The following NCAM2 variants were observed in gnomAD, a reference collection of about 807,000 sequenced individuals.
NCAM2 encodes the protein neural cell adhesion molecule 2.
Under a neutral mutation model 98.1 loss-of-function variants are expected in NCAM2, and 30 were observed. The observed-to-expected ratio is 0.31, with a 90% CI of 0.23 to 0.41. NCAM2 has a LOEUF of 0.41. Ranked by LOEUF, NCAM2 falls within the 10% of genes least tolerant of loss-of-function variation. The pLI, the probability that NCAM2 is intolerant of heterozygous loss-of-function variation, is 1.00. For missense variants in NCAM2, 867 were observed against 1,005.8 expected (o/e 0.86, Z 1.87); for synonymous variants, 368 against 342.4 (o/e 1.07, Z -0.83).
intron 5 of NCAM2, among the ~76,000 whole-genome samples, chr21:21,307,442 A>G (rs2073918213): frequency 6.6e-6 from 1 of 152,290 alleles, no homozygotes; most frequent in Non-Finnish European, 1.5e-5. Flanking sequence ...ACAAATTACA[A>G]CAAATTTTGT....
At chr21:21,276,619 A>G (rs889040519) in intron 1 of NCAM2, among the ~76,000 whole-genome samples, 2 of 152,042 alleles carry the variant, frequency 1.3e-5, no homozygotes, top group African/African-American at 4.8e-5. Flanking sequence ...CACTTACCTT[A>G]TATTGATTTG....
chr21:21,484,020 G>T (rs905161972), intron 15 of NCAM2, among the ~76,000 whole-genome samples: 1 of 151,952 alleles, frequency 6.6e-6, no homozygotes, highest in Non-Finnish European at 1.5e-5. Flanking sequence ...AACATTGTGG[G>T]ATATATTGAG....
intron 15 of NCAM2, among the ~76,000 whole-genome samples, chr21:21,497,632 A>G (rs1243226603): frequency 6.6e-6 from 1 of 152,206 alleles, no homozygotes; most frequent in Non-Finnish European, 1.5e-5. Context: ...ACGTGTAACA[A>G]CATTTTGACA....
At chr21:21,488,961 T>G (rs1986622551) in intron 15 of NCAM2, among the ~76,000 whole-genome samples, 1 of 151,884 alleles carries the variant, frequency 6.6e-6, no homozygotes, top group Admixed American at 6.6e-5. Context: ...TTTAATTATG[T>G]TTTCTTTTTC....
At chr21:21,349,697 G>C (rs1252539752) in intron 8 of NCAM2, among the ~76,000 whole-genome samples, 2 of 152,112 alleles carry the variant, frequency 1.3e-5, no homozygotes, top group Non-Finnish European at 2.9e-5. Flanking sequence ...ATCAACAGAT[G>C]AAATGGATAA....
At chr21:21,323,410 C>T (rs1029351666) in intron 5 of NCAM2, among the ~76,000 whole-genome samples, 22 of 152,112 alleles carry the variant, frequency 1.4e-4, no homozygotes, top group Admixed American at 7.9e-4. Flanking sequence ...GTGGCATCAA[C>T]GCTGACCTGA....
At chr21:21,484,192 T>A (rs1569109531) in intron 15 of NCAM2, among the ~76,000 whole-genome samples, 1 of 152,156 alleles carries the variant, frequency 6.6e-6, no homozygotes, top group South Asian at 2.1e-4. Context: ...AACATCAATA[T>A]TGACCTTTGT....
intron 1 of NCAM2, among the ~76,000 whole-genome samples, chr21:21,265,469 GTA>G (rs1568857385): frequency 7.3e-6 from 1 of 137,268 alleles, no homozygotes; most frequent in African/African-American, 2.7e-5. Context: ...ATATATGTGT[GTA>G]TATATATTAT....
At chr21:21,151,671 C>T (rs185095730) in intron 1 of NCAM2, among the ~76,000 whole-genome samples, 60 of 152,032 alleles carry the variant, frequency 3.9e-4, no homozygotes, top group African/African-American at 1.4e-3. Flanking sequence ...AAATGACCTC[C>T]GTTATATCTA....
Position 21,324,614 on chromosome 21 carries a change from A to T in NCAM2, c.737+114A>T, listed in dbSNP as rs1466962785. On this transcript the variant is annotated intron_variant, in intron 6 of 17. Transcript: ENST00000400546. ...CAAACCATTGCATTTTAGTTTCATTAAAAAAAAATCCTGGTGCTATCTTTG... is the reference window on the plus strand; with the variant it reads ...CAAACCATTGCATTTTAGTTTCATTTAAAAAAAATCCTGGTGCTATCTTTG... The T allele has an allele frequency of 7.3e-6, 5 of 682,282 alleles. No homozygotes were observed. The East Asian group carries it at 1.2e-4, about 16-fold the overall frequency. 42.3% of individuals were successfully genotyped at this position (682,282 alleles called of 1,614,324 possible). A position where few individuals can be genotyped will look rare whatever the true frequency, so the allele number is the denominator to read the frequency against.
At chr21:21,311,024 C>T (rs2074033283) in intron 5 of NCAM2, among the ~76,000 whole-genome samples, 1 of 152,188 alleles carries the variant, frequency 6.6e-6, no homozygotes, top group South Asian at 2.1e-4. Flanking sequence ...CAGGTAGTAT[C>T]ATTTATCCAA....
intron 1 of NCAM2, among the ~76,000 whole-genome samples, chr21:21,170,513 A>G (rs2068087947): frequency 6.6e-6 from 1 of 152,206 alleles, no homozygotes; most frequent in South Asian, 2.1e-4. Context: ...AGACTCTAGA[A>G]AAGGCGAAAC....
intron 1 of NCAM2, among the ~76,000 whole-genome samples, chr21:21,264,837 TAC>T: frequency 7.0e-6 from 1 of 142,250 alleles, no homozygotes; most frequent in South Asian, 2.2e-4. Context: ...CCACTTTATA[TAC>T]ACACATGCAC....
chr21:21,039,875 G>C (rs2064869185), intron 1 of NCAM2, among the ~76,000 whole-genome samples: 1 of 152,120 alleles, frequency 6.6e-6, no homozygotes, highest in Non-Finnish European at 1.5e-5. Flanking sequence ...TGTCAGATCA[G>C]GGAAGCATAT....
chr21:21,393,687 A>G (rs2076431780), intron 9 of NCAM2, among the ~76,000 whole-genome samples: 1 of 152,142 alleles, frequency 6.6e-6, no homozygotes, highest in Non-Finnish European at 1.5e-5. Context: ...ATCACCAGTA[A>G]TTCTTCCTTT....
chr21:21,187,313 A>G (rs534922414), intron 1 of NCAM2, among the ~76,000 whole-genome samples: 1 of 152,258 alleles, frequency 6.6e-6, no homozygotes, highest in Non-Finnish European at 1.5e-5. Flanking sequence ...GCACTATTTA[A>G]TTTTACTAGA....
intron 1 of NCAM2, among the ~76,000 whole-genome samples, chr21:21,016,469 G>T (rs1328425039): frequency 6.6e-6 from 1 of 152,146 alleles, no homozygotes; most frequent in African/African-American, 2.4e-5. Flanking sequence ...AGATTTTAAA[G>T]AGTTTAGATG....
At chr21:21,191,135 GT>G (rs2068807993) in intron 1 of NCAM2, among the ~76,000 whole-genome samples, 1 of 152,108 alleles carries the variant, frequency 6.6e-6, no homozygotes, top group African/African-American at 2.4e-5. Flanking sequence ...ATGAATGATA[GT>G]TTATAGAGAG....
At chr21:21,382,513 AG>A (rs761977927) in intron 9 of NCAM2, among the ~76,000 whole-genome samples, 1,984 of 118,496 alleles carry the variant, frequency 0.017, 30 homozygotes, top group African/African-American at 0.04. Flanking sequence ...GTTTTATTTC[AG>A]GGATTTTTTT....
Sources: gnomAD v4.1 joint callset for allele counts (sites outside exome capture counted in the v4.1 genomes callset) on GRCh38, gnomAD v4.1.1 for gene constraint, MANE v1.5 for transcripts, NCBI Gene and HGNC (gene_info 2026-07-23, HGNC 2026-07-21) for gene names.